Variants in ATP2C1 observed in about 807,000 individuals in gnomAD.
The protein encoded by ATP2C1 is ATPase secretory pathway Ca2+ transporting 1, also known as calcium-transporting ATPase type 2C member 1.
Under a neutral mutation model 120.5 loss-of-function variants are expected in ATP2C1, and 31 were observed. The observed-to-expected ratio is 0.26, with a 90% CI of 0.19 to 0.35. The LOEUF is 0.35. ATP2C1 is among the 10% of genes least tolerant of loss of function. The probability of loss-of-function intolerance (pLI) is 1.00; values close to 1 mark genes in which losing one functional copy is unlikely to be tolerated. For missense variants in ATP2C1, 731 were observed against 1,107.5 expected (o/e 0.66, Z 4.83); for synonymous variants, 351 against 358.7 (o/e 0.98, Z 0.24).
chr3:131,005,524 A>C (rs750166968), downstream of ATP2C1, among the ~76,000 whole-genome samples: 4 of 152,266 alleles, frequency 2.6e-5, no homozygotes, highest in Non-Finnish European at 5.9e-5. Flanking sequence ...AGCTATTAGC[A>C]GAAGAACCTA....
At chr3:130,856,628 T>C (rs761197759) in intron 1 of ATP2C1, among the ~76,000 whole-genome samples, 4 of 152,250 alleles carry the variant, frequency 2.6e-5, no homozygotes, top group Admixed American at 6.5e-5. Flanking sequence ...AAAGTGCTTC[T>C]CCATGTCCCC....
intron 2 of ATP2C1, among the ~76,000 whole-genome samples, chr3:130,929,152 T>A (rs1484501335): frequency 1.3e-5 from 2 of 152,272 alleles, no homozygotes; most frequent in Non-Finnish European, 2.9e-5. Context: ...TCTAGTTTCC[T>A]CATATTTATT....
At chr3:130,990,698 A>G (rs940695178) in intron 20 of ATP2C1, among the ~76,000 whole-genome samples, 1 of 152,198 alleles carries the variant, frequency 6.6e-6, no homozygotes, top group Non-Finnish European at 1.5e-5. Context: ...GGGCAGAAAT[A>G]AGAAAATCAG....
intron 5 of ATP2C1, among the ~76,000 whole-genome samples, chr3:130,935,183 G>A (rs16835395): frequency 0.036 from 5,414 of 152,182 alleles, 310 homozygotes; most frequent in African/African-American, 0.12. Flanking sequence ...ATGTTCAAAA[G>A]TCCATGATTA....
chr3:130,967,427 C>T lies in ATP2C1; in HGVS notation c.1308+8C>T. 1 of 1,610,770 alleles carries T rather than the reference C, an allele frequency of 6.2e-7. No homozygotes were observed. ...ATTGCTCTTGCAATGAAGGTACGTACCTAAATTTCTCTTCTTTGACATTTG... is the reference window on the plus strand; with the variant it reads ...ATTGCTCTTGCAATGAAGGTACGTATCTAAATTTCTCTTCTTTGACATTTG... On this transcript the variant is annotated splice_region_variant and intron_variant, in intron 16 of 27. Transcript: ENST00000510168.
chr3:130,937,369 C>T, intron 5 of ATP2C1, 59 bp from the exon 6 acceptor site: 1 of 1,392,576 alleles, frequency 7.2e-7, no homozygotes, highest in African/African-American at 1.4e-5. Context: ...AAATAAAATA[C>T]AGTTAACAGT....
chr3:131,004,978 G>A (rs1487615033), downstream of ATP2C1, among the ~76,000 whole-genome samples: 1 of 152,118 alleles, frequency 6.6e-6, no homozygotes, highest in Non-Finnish European at 1.5e-5. Context: ...ACATGCTGAT[G>A]GAAGCACAGA....
chr3:130,866,577 T>C (rs2068183663), intron 1 of ATP2C1, among the ~76,000 whole-genome samples: 2 of 151,722 alleles, frequency 1.3e-5, no homozygotes, highest in South Asian at 4.2e-4. Context: ...CAACTGTAGC[T>C]CCATTATCAC....
At chr3:130,988,366 G>C (rs910167871) in intron 20 of ATP2C1, among the ~76,000 whole-genome samples, 9 of 152,082 alleles carry the variant, frequency 5.9e-5, no homozygotes, top group African/African-American at 2.2e-4. Context: ...GGACTCATAA[G>C]AAGAGAAAAA....
chr3:130,897,969 A>T (rs138640548), intron 2 of ATP2C1, among the ~76,000 whole-genome samples: 1,877 of 152,316 alleles, frequency 0.012, 20 homozygotes, highest in Admixed American at 0.02. Context: ...ACAAGTAAAC[A>T]GCTCTTACCT....
chr3:130,975,586 T>C, intron 18 of ATP2C1, 98 bp downstream of exon 18: 1 of 1,368,318 alleles, frequency 7.3e-7, no homozygotes, highest in Admixed American at 2.0e-5. Context: ...TCCAACTCAC[T>C]TCCAGGATTT....
chr3:130,954,397 A>G (rs1255208686), intron 9 of ATP2C1, among the ~76,000 whole-genome samples: 2 of 152,216 alleles, frequency 1.3e-5, no homozygotes, highest in Non-Finnish European at 2.9e-5. Flanking sequence ...GTAAAAAGAA[A>G]CTATATTAAA....
chr3:131,005,019 C>T (rs980267281), downstream of ATP2C1, among the ~76,000 whole-genome samples: 3 of 151,188 alleles, frequency 2.0e-5, no homozygotes, highest in Non-Finnish European at 2.9e-5. Context: ...AATAGGGAGA[C>T]CAATTAGAAA....
In ATP2C1 at chr3:130,941,674, T is replaced by C; in HGVS notation, c.506T>C (p.Val169Ala). 6.2e-7 allele frequency: 1 copy of C among 1,613,994 alleles called. No individual in the cohort carries two copies. Among genetic ancestry groups the C allele is most frequent in the Non-Finnish European group, 8.5e-7 (1 of 1,179,942 alleles). ...GTTTGCCTTTCTGTTGGGGATAGAG[T>C]TCCTGCTGACTTACGCTTGTTTGAG... ...DTVCLSVGDR[V>A]PADLRLFEAV... The change falls in exon 8 of 28, where the codon GTT (valine) becomes GCT (alanine). Residue 169 changes from valine (V) to alanine (A), a missense_variant. Transcript: ENST00000510168.
chr3:130,949,713 C>T (rs577414830), intron 8 of ATP2C1, among the ~76,000 whole-genome samples: 115 of 152,160 alleles, frequency 7.6e-4, no homozygotes, highest in African/African-American at 2.6e-3. Context: ...TTTCATATAT[C>T]GTTTTCAGTA....
chr3:130,892,066 T>A (rs995336848), upstream of ATP2C1, among the ~76,000 whole-genome samples: 11 of 152,202 alleles, frequency 7.2e-5, no homozygotes. Flanking sequence ...GTTTAAGTCA[T>A]TTTAGGAATA....
intron 1 of ATP2C1, among the ~76,000 whole-genome samples, chr3:130,862,013 G>A (rs1003212405): frequency 1.1e-4 from 17 of 151,882 alleles, no homozygotes; most frequent in Non-Finnish European, 1.8e-4. Flanking sequence ...TCGCTCTGTC[G>A]CCCAGGCTGA....
intron 26 of ATP2C1, among the ~76,000 whole-genome samples, chr3:131,008,172 TCA>T (rs1270325126): frequency 5.9e-5 from 9 of 152,178 alleles, no homozygotes; most frequent in Admixed American, 5.9e-4. Flanking sequence ...GCATGGTGAC[TCA>T]CACCCTTAAT....
At position 130,985,737 on chromosome 3, in the gene ATP2C1, A is replaced by G. The variant is rs542246654; in HGVS notation, c.1839+5058A>G. Among the ~76,000 whole-genome samples the G allele has an allele frequency of 1.2e-3, 180 of 152,186 alleles. 1 individual carries two copies. The highest frequency in any genetic ancestry group is 4.0e-3 in the African/African-American group (166 of 41,502). Reference sequence around the variant, plus strand: ...ACATGGAAAAGCATATTACAGAGATAAATGATGGACAGTTGCATGGAGATA... The same window carrying G: ...ACATGGAAAAGCATATTACAGAGATGAATGATGGACAGTTGCATGGAGATA... On this transcript the variant is annotated intron_variant, in intron 20 of 27. Transcript: ENST00000510168.
Sources: gnomAD v4.1 joint callset for allele counts (sites outside exome capture counted in the v4.1 genomes callset) on GRCh38, gnomAD v4.1.1 for gene constraint, MANE v1.5 for transcripts, NCBI Gene and HGNC (gene_info 2026-07-23, HGNC 2026-07-21) for gene names.